The following CATSPERD variants were observed in gnomAD, a reference collection of about 807,000 sequenced individuals.
The protein encoded by CATSPERD is catsper channel auxiliary subunit delta.
CATSPERD carries 86 observed loss-of-function variants against 98.1 expected under a neutral mutation model. The observed-to-expected ratio is 0.88, with a 90% confidence interval of 0.74 to 1.05. The LOEUF is 1.05. Among genes scored for constraint, CATSPERD ranks in the 50% least tolerant of loss-of-function variants. CATSPERD has a pLI of 0.00. For missense variants in CATSPERD, 995 were observed against 1,005.7 expected (o/e 0.99, Z 0.14); for synonymous variants, 394 against 390.2 (o/e 1.01, Z -0.12).
rs182163438 is a variant in CATSPERD at position 5,753,891 on chromosome 19, C to T, written c.1165-241C>T. 6.7e-3 allele frequency among the ~76,000 whole-genome samples: 1,016 copies of T among 151,766 alleles called. 10 individuals are homozygous for T. Among genetic ancestry groups the T allele is most frequent in the Non-Finnish European group, 7.6e-3 (517 of 67,918 alleles). On this transcript the variant is annotated intron_variant, in intron 12 of 21. Coordinates refer to ENST00000381624, the MANE Select transcript of CATSPERD (RefSeq NM_152784.4). ...CTGTCTCAAAAAAAAAAGAAAGGAA[C>T]AGAAAGAAGCAATTACTGCGCATGT...
intron 7 of CATSPERD, among the ~76,000 whole-genome samples, chr19:5,739,988 A>T (rs1275758362): frequency 6.6e-6 from 1 of 152,098 alleles, no homozygotes; most frequent in Admixed American, 6.6e-5. Flanking sequence ...TACTTATAAA[A>T]AGCTAGTGAC....
Position 5,737,195 on chromosome 19 carries a change from T to A in CATSPERD, c.449T>A (p.Leu150Ter), listed in dbSNP as rs2145721253. 1 of 1,607,658 alleles carries A rather than the reference T, an allele frequency of 6.2e-7. No homozygotes were observed. Among genetic ancestry groups the A allele is most frequent in the South Asian group, 1.1e-5 (1 of 90,916 alleles). ...GATAATTGTTGTTATACTGGAAGTT[T>A]GTTTTGTGTGGTAAGTATAAGTGTA... Reference protein sequence around the residue: ...SGDNCCYTGSLFCVHVSNLVF... With the variant: ...SGDNCCYTGS Residue 150 changes from leucine (L) to a stop codon, truncating the protein, a stop_gained, in exon 6 of 22, where the codon TTG (leucine) becomes TAG (stop). Coordinates refer to ENST00000381624, the MANE Select transcript of CATSPERD (RefSeq NM_152784.4). LOFTEE classifies it high-confidence loss of function.
At chr19:5,767,574 G>A (rs62107455) in intron 17 of CATSPERD, among the ~76,000 whole-genome samples, 13,548 of 150,464 alleles carry the variant, frequency 0.09, 701 homozygotes, top group East Asian at 0.13. Context: ...TACAAGCTCC[G>A]CCTCCCTGGT....
chr19:5,777,884 CAAACA>C lies in CATSPERD; in HGVS notation c.2097-473_2097-469del, dbSNP rs1048941710. On this transcript the variant is annotated intron_variant, in intron 21 of 21. Transcript: ENST00000381624. ...AGCCAGATTCCACCGTTTCAAAAAA[CAAACA>C]AAACAAAACAAAACAAAAACCCATA... Among the ~76,000 whole-genome samples, 102 of 149,522 alleles carry C rather than the reference CAAACA, an allele frequency of 6.8e-4. 1 individual carries two copies. The highest frequency in any genetic ancestry group is 2.4e-3 in the African/African-American group (98 of 40,610).
chr19:5,733,658 T>C (rs997380327), intron 4 of CATSPERD, among the ~76,000 whole-genome samples, 198 bp from the exon 5 acceptor site: 8 of 152,156 alleles, frequency 5.3e-5, no homozygotes, highest in Middle Eastern at 6.8e-3. Flanking sequence ...GGTTTCACTA[T>C]GTTGGCCAGG....
At chr19:5,761,703 CT>C (rs572014239) in intron 15 of CATSPERD, among the ~76,000 whole-genome samples, 92 of 62,492 alleles carry the variant, frequency 1.5e-3, no homozygotes, top group Middle Eastern at 7.5e-3. Flanking sequence ...ATCATACATT[CT>C]TTTTTTTTTT....
intron 3 of CATSPERD, among the ~76,000 whole-genome samples, chr19:5,729,537 G>T (rs1415683304): frequency 6.6e-6 from 1 of 152,106 alleles, no homozygotes; most frequent in South Asian, 2.1e-4. Context: ...GGAACAAATT[G>T]TTTATTTCTT....
intron 16 of CATSPERD, 42 bp downstream of exon 16, chr19:5,763,335 G>C (rs772012704): frequency 3.3e-6 from 5 of 1,520,690 alleles, no homozygotes; most frequent in Middle Eastern, 1.7e-4. Context: ...GGTGTCATAA[G>C]TGTTAAGACT....
intron 7 of CATSPERD, among the ~76,000 whole-genome samples, chr19:5,743,672 CT>C (rs2056037732): frequency 3.1e-5 from 4 of 131,010 alleles, no homozygotes; most frequent in Admixed American, 1.6e-4. Context: ...CTCTTCCTCT[CT>C]CTCTCTCTTC....
chr19:5,722,204 C>T (rs1163285559), intron 1 of CATSPERD, among the ~76,000 whole-genome samples: 1 of 152,032 alleles, frequency 6.6e-6, no homozygotes, highest in African/African-American at 2.4e-5. Flanking sequence ...TCACTGCAAC[C>T]TCCGCCTCCC....
At chr19:5,777,094 C>G (rs980586674) in intron 21 of CATSPERD, among the ~76,000 whole-genome samples, 1 of 152,004 alleles carries the variant, frequency 6.6e-6, no homozygotes. Flanking sequence ...TCAGTGTGTC[C>G]CTTTGGAAGG....
At position 5,775,213 on chromosome 19, in the gene CATSPERD, T is replaced by C. The variant is rs770220488; in HGVS notation, c.1942-948T>C. 3.2e-5 allele frequency: 15 copies of C among 470,528 alleles called. No homozygotes were observed. In the East Asian group the frequency reaches 7.7e-4, roughly 24 times the overall value. 29.1% of individuals were successfully genotyped at this position (470,528 alleles called of 1,614,324 possible). On this transcript the variant is annotated intron_variant, in intron 20 of 21. Transcript: ENST00000381624. ...CAAGACTGAAGGAAGGGGGAACGAA[T>C]GTAGAAATGAAAACTTAAGACAAAA...
chr19:5,739,846 A>AAAAAAAAAG (rs1568348347), intron 7 of CATSPERD, among the ~76,000 whole-genome samples: 5 of 151,668 alleles, frequency 3.3e-5, no homozygotes, highest in African/African-American at 1.2e-4. Context: ...CTCAAAAAAA[A>AAAAAAAAAG]AAAAAAAGTC....
At chr19:5,735,047 A>T (rs2055815126) in intron 5 of CATSPERD, among the ~76,000 whole-genome samples, 1 of 152,080 alleles carries the variant, frequency 6.6e-6, no homozygotes, top group South Asian at 2.1e-4. Context: ...GATGAGGCAA[A>T]TGTTAGCTTT....
chr19:5,720,907 C>A (rs1003923986), intron 1 of CATSPERD, 99 bp downstream of exon 1: 2 of 943,088 alleles, frequency 2.1e-6, no homozygotes, highest in Non-Finnish European at 3.1e-6. Flanking sequence ...CTCACTGAGG[C>A]TCCCCTTTTA....
intron 1 of CATSPERD, among the ~76,000 whole-genome samples, chr19:5,722,965 G>C (rs2055524165): frequency 6.6e-6 from 1 of 151,952 alleles, no homozygotes; most frequent in Admixed American, 6.6e-5. Flanking sequence ...GAGGCGGGCG[G>C]ATCACGAGGT....
chr19:5,777,640 T>G (rs1397811184), intron 21 of CATSPERD, among the ~76,000 whole-genome samples: 1 of 152,110 alleles, frequency 6.6e-6, no homozygotes, highest in African/African-American at 2.4e-5. Flanking sequence ...CCCAACACTT[T>G]GGGAGGCCAG....
chr19:5,762,671 AGATG>A (rs992491883), intron 15 of CATSPERD, among the ~76,000 whole-genome samples: 29 of 147,978 alleles, frequency 2.0e-4, no homozygotes, highest in African/African-American at 2.5e-4. Context: ...ATGAGTGAAT[AGATG>A]GATGGATGGG....
intron 11 of CATSPERD, among the ~76,000 whole-genome samples, chr19:5,750,450 CAAAAAAAAAAAAA>C (rs60496454): frequency 4.1e-5 from 2 of 48,660 alleles, no homozygotes; most frequent in East Asian, 7.1e-4. Context: ...GACTCTGTCT[CAAAAAAAAAAAAA>C]AAAAAAAAAA....
Sources: gnomAD v4.1 joint callset for allele counts (sites outside exome capture counted in the v4.1 genomes callset) on GRCh38, gnomAD v4.1.1 for gene constraint, MANE v1.5 for transcripts, NCBI Gene and HGNC (gene_info 2026-07-23, HGNC 2026-07-21) for gene names.